DNAH7: variants seen among roughly 807,000 people sequenced by gnomAD.
The protein encoded by DNAH7 is axonemal beta dynein heavy chain 7.
Under a neutral mutation model 444.6 loss-of-function variants are expected in DNAH7, and 397 were observed. That is an observed-to-expected ratio of 0.89 (90% CI 0.82 to 0.97). DNAH7 has a LOEUF of 0.97. Among genes scored for constraint, DNAH7 ranks in the 50% least tolerant of loss-of-function variants. The pLI is 0.00. For synonymous variants in DNAH7, 1,636 were observed against 1,624.4 expected, an observed-to-expected ratio of 1.01 and a Z score of -0.17; for missense variants, 4,902 against 4,800.8, an observed-to-expected ratio of 1.02 and a Z score of -0.62.
intron 2 of DNAH7, among the ~76,000 whole-genome samples, chr2:196,054,866 A>T (rs1697705534): frequency 6.6e-6 from 1 of 152,158 alleles, no homozygotes; most frequent in African/African-American, 2.4e-5. Flanking sequence ...CCATGTGAAG[A>T]AGAAAGTTGC....
intron 5 of DNAH7, among the ~76,000 whole-genome samples, chr2:196,034,810 T>A (rs1294335118): frequency 6.6e-6 from 1 of 152,178 alleles, no homozygotes; most frequent in Non-Finnish European, 1.5e-5. Flanking sequence ...AAATTGAACA[T>A]CAAACCGTAC....
intron 58 of DNAH7, among the ~76,000 whole-genome samples, chr2:195,783,559 C>T (rs925638885): frequency 1.3e-5 from 2 of 152,156 alleles, no homozygotes; most frequent in African/African-American, 4.8e-5. Flanking sequence ...TATAATGACA[C>T]TAGTCATATT....
chr2:195,931,415 T>C (rs1688688117), intron 21 of DNAH7, among the ~76,000 whole-genome samples: 1 of 151,990 alleles, frequency 6.6e-6, no homozygotes, highest in Non-Finnish European at 1.5e-5. Flanking sequence ...GTGCAGAAGC[T>C]CTTTAGTTTA....
At chr2:196,030,046 A>G (rs6414150) in intron 5 of DNAH7, among the ~76,000 whole-genome samples, 113,952 of 152,046 alleles carry the variant, frequency 0.75, 42,820 homozygotes, top group East Asian at 0.91. Flanking sequence ...ACCTGAAAAG[A>G]AGAGTATATT....
intron 5 of DNAH7, among the ~76,000 whole-genome samples, chr2:196,039,962 A>G (rs962401585): frequency 6.6e-6 from 1 of 151,830 alleles, no homozygotes; most frequent in Non-Finnish European, 1.5e-5. Context: ...CCCTAGACAC[A>G]TATAACCTAC....
rs182608887 is a variant in DNAH7 at position 195,799,536 on chromosome 2, T to A, written c.10177-64A>T. 3.0e-4 allele frequency: 418 copies of A among 1,395,030 alleles called. 2 individuals are homozygous for A. The African/African-American group carries it at 5.7e-3, about 19-fold the overall frequency. 86.4% of individuals were successfully genotyped at this position (1,395,030 alleles called of 1,614,324 possible). On this transcript the variant is annotated intron_variant, in intron 54 of 64. Coordinates refer to ENST00000312428, the MANE Select transcript of DNAH7 (RefSeq NM_018897.3). ...AATCTGCCTAAAACCATTAAAAATT[T>A]AGATTCAAAGGAGTTTTAAAACAAA... is the stretch of plus-strand genomic sequence containing the variant.
At chr2:195,946,614 G>C (rs1363281035) in intron 19 of DNAH7, among the ~76,000 whole-genome samples, 1 of 152,140 alleles carries the variant, frequency 6.6e-6, no homozygotes, top group African/African-American at 2.4e-5. Flanking sequence ...TGACAAAAAA[G>C]AACAGCCCAT....
chr2:195,955,835 G>A (rs1042330931), intron 19 of DNAH7, among the ~76,000 whole-genome samples: 1 of 151,838 alleles, frequency 6.6e-6, no homozygotes, highest in Non-Finnish European at 1.5e-5. Context: ...CCTTCTAAAT[G>A]GAAATATATC....
chr2:196,004,358 AG>A (rs1403067896), intron 10 of DNAH7, among the ~76,000 whole-genome samples: 1 of 152,210 alleles, frequency 6.6e-6, no homozygotes, highest in Non-Finnish European at 1.5e-5. Context: ...TACACATGCA[AG>A]TTGCTTCTGA....
At chr2:195,917,315 G>T (rs1445243682) in intron 24 of DNAH7, among the ~76,000 whole-genome samples, 1 of 152,086 alleles carries the variant, frequency 6.6e-6, no homozygotes, top group Non-Finnish European at 1.5e-5. Context: ...GGGACATTCA[G>T]CTGGTAAGGG....
Position 195,864,804 on chromosome 2 carries a change from CTG to C in DNAH7, c.6849_6850del (p.Tyr2283Ter). ...AAGATTATCCACATCTGCGATTTCT[CTG>C]TAGTTGGTATCCTCCCTCTTGGGAT... On this transcript the variant is annotated stop_gained and frameshift_variant, in exon 41 of 65. Transcript: ENST00000312428. LOFTEE classifies it high-confidence loss of function. 1 of 1,614,188 alleles carries C rather than the reference CTG, an allele frequency of 6.2e-7. No individual in the cohort carries two copies. The highest frequency in any genetic ancestry group is 8.5e-7 in the Non-Finnish European group (1 of 1,180,034).
At chr2:195,971,814 C>T (rs952299581) in intron 16 of DNAH7, among the ~76,000 whole-genome samples, 4 of 151,754 alleles carry the variant, frequency 2.6e-5, no homozygotes, top group Admixed American at 6.6e-5. Flanking sequence ...GTTAGAGTGA[C>T]GATTCTGGGC....
chr2:195,998,439 T>C (rs2125677559), intron 12 of DNAH7, among the ~76,000 whole-genome samples: 1 of 151,874 alleles, frequency 6.6e-6, no homozygotes, highest in African/African-American at 2.4e-5. Context: ...CCACGCATGG[T>C]GGCGGGTGCC....
intron 48 of DNAH7, among the ~76,000 whole-genome samples, chr2:195,832,467 G>A (rs1698123285): frequency 6.6e-6 from 1 of 150,492 alleles, no homozygotes; most frequent in African/African-American, 2.4e-5. Flanking sequence ...CTTTGAGACA[G>A]GGTCTCACTG....
chr2:195,932,214 GCTCT>G (rs1158336752), intron 21 of DNAH7, among the ~76,000 whole-genome samples: 3 of 151,984 alleles, frequency 2.0e-5, no homozygotes, highest in Admixed American at 6.6e-5. Flanking sequence ...TCATGATTTG[GCTCT>G]CTGTCTGTTG....
chr2:196,063,900 G>A, intron 1 of DNAH7: 1 of 152,258 alleles, frequency 6.6e-6, no homozygotes, highest in East Asian at 1.9e-4. Context: ...GCAGCCAGCA[G>A]CCAGAGGACT....
At position 195,816,905 on chromosome 2, in the gene DNAH7, T is replaced by A. The variant is rs750102009; in HGVS notation, c.9484A>T (p.Ile3162Leu). 1 of 1,613,052 alleles carries A rather than the reference T, an allele frequency of 6.2e-7. No homozygotes were observed. Among genetic ancestry groups the A allele is most frequent in the Non-Finnish European group, 8.5e-7 (1 of 1,179,550 alleles). The change falls in exon 51 of 65, where the codon ATA (isoleucine) becomes TTA (leucine). Residue 3162 changes from isoleucine to leucine, a missense_variant. Coordinates refer to ENST00000312428, the MANE Select transcript of DNAH7 (RefSeq NM_018897.3). ...TTAATAGCAGTTTCATCTTCTAATA[T>A]ATTGCCTTCCGAAGATGAAAGAACT... ...LEVLSSSEGN[I>L]LEDETAIKIL...
chr2:195,748,120 A>G (rs1693541491), intron 63 of DNAH7, among the ~76,000 whole-genome samples: 1 of 152,232 alleles, frequency 6.6e-6, no homozygotes, highest in Non-Finnish European at 1.5e-5. Flanking sequence ...TTAAGCTGAT[A>G]AGCAACTTCA....
At chr2:195,776,508 A>G (rs1047684326) in intron 59 of DNAH7, among the ~76,000 whole-genome samples, 1 of 152,158 alleles carries the variant, frequency 6.6e-6, no homozygotes, top group Non-Finnish European at 1.5e-5. Context: ...GTACCTTTCA[A>G]TTGGAATGGG....
Sources: gnomAD v4.1 joint callset for allele counts (sites outside exome capture counted in the v4.1 genomes callset) on GRCh38, gnomAD v4.1.1 for gene constraint, MANE v1.5 for transcripts, NCBI Gene and HGNC (gene_info 2026-07-23, HGNC 2026-07-21) for gene names.